Variants in TRIP12 observed in about 807,000 individuals in gnomAD.
TRIP12 encodes E3 ubiquitin-protein ligase TRIP12.
TRIP12 carries 25 observed loss-of-function variants against 244.2 expected under a neutral mutation model. The ratio of observed to expected loss-of-function variants is 0.10; its 90% CI spans 0.07 to 0.14. TRIP12 has a LOEUF of 0.14. Among genes scored for constraint, TRIP12 ranks in the 10% least tolerant of loss-of-function variants. The pLI is 1.00. For synonymous variants in TRIP12, 905 were observed against 873.1 expected, an observed-to-expected ratio of 1.04 and a Z score of -0.64; for missense variants, 1,677 against 2,486.4, an observed-to-expected ratio of 0.67 and a Z score of 6.92.
chr2:229,771,144 C>T (rs544252019), intron 39 of TRIP12, among the ~76,000 whole-genome samples: 3 of 152,292 alleles, frequency 2.0e-5, no homozygotes, highest in South Asian at 4.1e-4. Flanking sequence ...CTCATCGAAA[C>T]GAAGTTTAGT....
intron 1 of TRIP12, among the ~76,000 whole-genome samples, chr2:229,914,375 A>G (rs1013187608): frequency 1.3e-5 from 2 of 152,198 alleles, no homozygotes; most frequent in Non-Finnish European, 2.9e-5. Context: ...ATTACGAAAC[A>G]CTGGGGTCTG....
intron 4 of TRIP12, among the ~76,000 whole-genome samples, chr2:229,851,996 C>T (rs2058803186): frequency 6.6e-6 from 1 of 152,202 alleles, no homozygotes; most frequent in South Asian, 2.1e-4. Flanking sequence ...TTCTTATTTC[C>T]TCCCTCCGTG....
chr2:229,867,069 T>C (rs1022628201), intron 2 of TRIP12, among the ~76,000 whole-genome samples: 1 of 149,614 alleles, frequency 6.7e-6, no homozygotes, highest in Non-Finnish European at 1.5e-5. Context: ...ATAAGCAAAG[T>C]ATATATATAT....
At chr2:229,768,126 G>A (rs759430748) in intron 41 of TRIP12, among the ~76,000 whole-genome samples, 40 of 152,156 alleles carry the variant, frequency 2.6e-4, no homozygotes, top group Non-Finnish European at 5.3e-4. Context: ...ACATGGTGCT[G>A]TGTTGTGCCT....
chr2:229,895,628 CAA>C (rs1560191611), intron 1 of TRIP12, among the ~76,000 whole-genome samples: 1 of 149,802 alleles, frequency 6.7e-6, no homozygotes, highest in Non-Finnish European at 1.5e-5. Context: ...ACAGAAAGAA[CAA>C]AAGATTAAAA....
In TRIP12 at chr2:229,829,254, T is replaced by C. The variant is rs758849805; in HGVS notation, c.1389A>G (p.Leu463=). ...LLEARGLPPH[L]FGPLGPRMSQ... is the part of the protein sequence containing the mutation. ...ACATCCGAGGACCAAGAGGACCAAA[T>C]AGGTGAGGGGGAAGACCCCTTGCCT... Residue 463 remains leucine, a synonymous_variant, in exon 8 of 42, where the codon CTA becomes CTG. Coordinates refer to ENST00000675903, the MANE Select transcript of TRIP12 (RefSeq NM_001348323.3). The C allele has an allele frequency of 2.8e-5, 45 of 1,613,732 alleles. No individual in the cohort carries two copies. The highest frequency in any genetic ancestry group is 2.5e-4 in the East Asian group (11 of 44,856).
At chr2:229,881,028 G>T (rs1370001830) in intron 1 of TRIP12, among the ~76,000 whole-genome samples, 1 of 152,162 alleles carries the variant, frequency 6.6e-6, no homozygotes, top group Non-Finnish European at 1.5e-5. Flanking sequence ...AGAGTAAATT[G>T]AGCAATGGTC....
intron 1 of TRIP12, among the ~76,000 whole-genome samples, chr2:229,906,303 CA>C (rs34519454): frequency 0.057 from 5,621 of 98,904 alleles, 296 homozygotes; most frequent in African/African-American, 0.2. Flanking sequence ...GAGACTGTCT[CA>C]AAAAAAAAAA....
At chr2:229,887,927 G>T (rs754755987) in intron 1 of TRIP12, among the ~76,000 whole-genome samples, 1 of 152,158 alleles carries the variant, frequency 6.6e-6, no homozygotes, top group Non-Finnish European at 1.5e-5. Context: ...CAGAAGAAAA[G>T]ACAACCCCAA....
intron 6 of TRIP12, 54 bp downstream of exon 6, chr2:229,836,794 A>G (rs113210479): frequency 6.4e-7 from 1 of 1,553,924 alleles, no homozygotes. Flanking sequence ...CCCTCTGCCC[A>G]TCAAATCTGT....
chr2:229,863,648 A>T (rs2060845100), intron 2 of TRIP12, among the ~76,000 whole-genome samples: 1 of 152,198 alleles, frequency 6.6e-6, no homozygotes, highest in Admixed American at 6.5e-5. Flanking sequence ...CCCAAAATGG[A>T]GCTCTATTTT....
At chr2:229,844,899 G>C (rs527334745) in intron 4 of TRIP12, among the ~76,000 whole-genome samples, 3 of 152,018 alleles carry the variant, frequency 2.0e-5, no homozygotes, top group Non-Finnish European at 4.4e-5. Context: ...GTTCTCTGGA[G>C]AGCTATCTCC....
intron 34 of TRIP12, among the ~76,000 whole-genome samples, chr2:229,780,263 G>A (rs948627826): frequency 6.6e-6 from 1 of 152,036 alleles, no homozygotes; most frequent in African/African-American, 2.4e-5. Context: ...CTTTAAACTC[G>A]CATAATCCAA....
intron 11 of TRIP12, 104 bp downstream of exon 11, chr2:229,814,995 G>A: frequency 1.2e-6 from 1 of 850,896 alleles, no homozygotes; most frequent in Non-Finnish European, 1.8e-6. Context: ...CATTTCTCGG[G>A]CTAAAAAATA....
At chr2:229,796,220 T>A (rs1281955936) in intron 25 of TRIP12, among the ~76,000 whole-genome samples, 1 of 152,228 alleles carries the variant, frequency 6.6e-6, no homozygotes, top group East Asian at 1.9e-4. Flanking sequence ...ATATAACTCC[T>A]CTATCTTATT....
upstream of TRIP12, chr2:229,922,688 G>A: frequency 2.0e-6 from 3 of 1,469,510 alleles, no homozygotes; most frequent in Non-Finnish European, 2.8e-6. Flanking sequence ...GGCTGTGCTA[G>A]GCCAAGAGCA....
At chr2:229,874,151 A>G (rs1013681062) in intron 2 of TRIP12, among the ~76,000 whole-genome samples, 3 of 152,166 alleles carry the variant, frequency 2.0e-5, no homozygotes, top group African/African-American at 7.2e-5. Context: ...TAGACAAAAG[A>G]CGCTAACAAA....
chr2:229,780,945 G>A (rs2037954281), intron 34 of TRIP12, among the ~76,000 whole-genome samples: 2 of 152,250 alleles, frequency 1.3e-5, no homozygotes, highest in Admixed American at 1.3e-4. Context: ...AGTAACACAT[G>A]GTATCCACTA....
At chr2:229,814,349 A>G (rs74001435) in intron 11 of TRIP12, 24 bp from the exon 12 acceptor site, 2 of 1,605,758 alleles carry the variant, frequency 1.2e-6, no homozygotes, top group East Asian at 2.2e-5. Context: ...TATAGTTACC[A>G]TAAGGTTATC....
Sources: gnomAD v4.1 joint callset for allele counts (sites outside exome capture counted in the v4.1 genomes callset) on GRCh38, gnomAD v4.1.1 for gene constraint, MANE v1.5 for transcripts, NCBI Gene and HGNC (gene_info 2026-07-23, HGNC 2026-07-21) for gene names.